IMPG2: variants seen among roughly 807,000 people sequenced by gnomAD.
The protein encoded by IMPG2 is IPM 200.
Under a neutral mutation model 129.2 loss-of-function variants are expected in IMPG2, and 91 were observed. The observed-to-expected ratio is 0.70, with a 90% CI of 0.59 to 0.84. The LOEUF (loss-of-function observed/expected upper bound fraction) is 0.84, where lower values mean the gene tolerates loss of function less well. IMPG2 is among the 40% of genes least tolerant of loss of function. The probability of loss-of-function intolerance (pLI) is 0.00; values close to 1 mark genes in which losing one functional copy is unlikely to be tolerated. For synonymous variants in IMPG2, 510 were observed against 517.7 expected (o/e 0.99, Z 0.20); for missense variants, 1,430 against 1,461.7 (o/e 0.98, Z 0.35).
chr3:101,274,840 T>A (rs1273369807), intron 6 of IMPG2, among the ~76,000 whole-genome samples: 11 of 152,170 alleles, frequency 7.2e-5, no homozygotes, highest in Admixed American at 7.2e-4. Flanking sequence ...GCTAGCACCA[T>A]CTACTTGGAA....
intron 14 of IMPG2, among the ~76,000 whole-genome samples, chr3:101,237,254 C>A (rs1706357179): frequency 6.6e-6 from 1 of 152,176 alleles, no homozygotes; most frequent in African/African-American, 2.4e-5. Flanking sequence ...CTCCCTGGGA[C>A]AGAGTACCTG....
At position 101,242,675 on chromosome 3, in the gene IMPG2, G is replaced by A. The variant is rs779278393; in HGVS notation, c.3022+13C>T. On this transcript the variant is annotated intron_variant, in intron 14 of 18. Transcript: ENST00000193391. ...ATTCTACTAAGAAACCACCATGCTA[G>A]GCAATATCATACCTGATTCCACATC... The A allele has an allele frequency of 8.3e-6, 13 of 1,566,706 alleles. 1 individual carries two copies. The South Asian group carries it at 1.4e-4, about 17-fold the overall frequency.
At chr3:101,304,855 T>TA (rs5851269) in intron 2 of IMPG2, among the ~76,000 whole-genome samples, 105,978 of 147,094 alleles carry the variant, frequency 0.72, 38,423 homozygotes, top group East Asian at 0.83. Context: ...ATATTTCTGA[T>TA]AAAAAAAAAA....
At chr3:101,279,184 T>C (rs1706868320) in intron 4 of IMPG2, among the ~76,000 whole-genome samples, 1 of 152,212 alleles carries the variant, frequency 6.6e-6, no homozygotes, top group Admixed American at 6.5e-5. Context: ...TACAACTAAC[T>C]TTACTGAGCC....
At chr3:101,237,364 C>G (rs2107212593) in intron 14 of IMPG2, among the ~76,000 whole-genome samples, 1 of 152,338 alleles carries the variant, frequency 6.6e-6, no homozygotes, top group Admixed American at 6.5e-5. Context: ...CACTCAAGCT[C>G]TGCTAAGGGA....
chr3:101,243,914 T>C lies in IMPG2; in HGVS notation c.2417A>G (p.Asp806Gly). The change falls in exon 13 of 19, where the codon GAC becomes GGC. Residue 806 changes from aspartate (D) to glycine (G), a missense_variant. Physicochemically the swap from Asp to Gly is moderately conservative, Grantham distance 94 (BLOSUM62 -1). Transcript: ENST00000193391. ...DILASTPQSA[D>G]RLWLSVTQST... ...CTGTGTCACAGATAACCAGAGCCTG[T>C]CAGCACTCTGTGGTGTACTTGCCAA... 1 of 1,614,210 alleles carries C rather than the reference T, an allele frequency of 6.2e-7. No individual in the cohort carries two copies. The highest frequency in any genetic ancestry group is 1.1e-5 in the South Asian group (1 of 91,088).
In IMPG2 at chr3:101,272,658, T is replaced by C. The variant is rs1482712225; in HGVS notation, c.828+923A>G. Reference sequence around the variant, plus strand: ...GCTGACATTTCTTCCACATACCATATAGCCTTGCAACTTGGCCACACCACT... The same window carrying C: ...GCTGACATTTCTTCCACATACCATACAGCCTTGCAACTTGGCCACACCACT... On this transcript the variant is annotated intron_variant, in intron 7 of 18. Transcript: ENST00000193391. 5.3e-5 allele frequency among the ~76,000 whole-genome samples: 8 copies of C among 152,216 alleles called. No homozygotes were observed. In the East Asian group the frequency reaches 1.2e-3, roughly 22 times the overall value.
chr3:101,257,384 TA>T, intron 10 of IMPG2, 144 bp downstream of exon 10: 1 of 939,248 alleles, frequency 1.1e-6, no homozygotes, highest in Non-Finnish European at 1.6e-6. Context: ...GCTGCATGGC[TA>T]AAACTCCATT....
intron 2 of IMPG2, among the ~76,000 whole-genome samples, chr3:101,313,904 G>T (rs1459548986): frequency 6.6e-6 from 1 of 151,942 alleles, no homozygotes; most frequent in African/African-American, 2.4e-5. Flanking sequence ...AGGATAAAAG[G>T]CCAATATACA....
intron 7 of IMPG2, among the ~76,000 whole-genome samples, chr3:101,271,596 G>C (rs1421936468): frequency 2.0e-5 from 3 of 152,130 alleles, no homozygotes; most frequent in Non-Finnish European, 2.9e-5. Context: ...TCACACATTT[G>C]GTAAGTGACT....
intron 11 of IMPG2, among the ~76,000 whole-genome samples, chr3:101,248,092 T>C (rs568620818): frequency 6.6e-6 from 1 of 152,240 alleles, no homozygotes; most frequent in Admixed American, 6.5e-5. Flanking sequence ...CAGAACATAC[T>C]GGCCCATGAA....
At chr3:101,278,514 T>A (rs964454974) in intron 4 of IMPG2, among the ~76,000 whole-genome samples, 8 of 152,154 alleles carry the variant, frequency 5.3e-5, no homozygotes, top group Non-Finnish European at 1.2e-4. Flanking sequence ...TGATGTATAA[T>A]TTAAAACGTT....
chr3:101,272,493 G>A (rs550950776), intron 7 of IMPG2, among the ~76,000 whole-genome samples: 224 of 152,082 alleles, frequency 1.5e-3, no homozygotes, highest in Non-Finnish European at 2.7e-3. Context: ...AGTGTTTATT[G>A]GACTTCTCTA....
At chr3:101,283,420 A>G (rs1706914731) in intron 4 of IMPG2, among the ~76,000 whole-genome samples, 1 of 152,096 alleles carries the variant, frequency 6.6e-6, no homozygotes, top group Non-Finnish European at 1.5e-5. Flanking sequence ...GTTTTTATTG[A>G]GTGATTTTCA....
At chr3:101,251,081 T>A (rs543807879) in intron 11 of IMPG2, among the ~76,000 whole-genome samples, 1 of 152,058 alleles carries the variant, frequency 6.6e-6, no homozygotes, top group Non-Finnish European at 1.5e-5. Flanking sequence ...AAATGTACCT[T>A]AAAAAAAATT....
At chr3:101,297,053 G>C (rs7611378) in intron 3 of IMPG2, among the ~76,000 whole-genome samples, 19,494 of 152,060 alleles carry the variant, frequency 0.13, 1,294 homozygotes, top group Middle Eastern at 0.17. Context: ...CAGGCGCCAG[G>C]CGCCAGCCAC....
Position 101,223,684 on chromosome 3 carries a change from C to CA in IMPG2, c.*3284dup, listed in dbSNP as rs1208008517. On this transcript the variant is annotated 3_prime_UTR_variant, in exon 19 of 19. Transcript: ENST00000193391. Reference sequence around the variant, plus strand: ...CTTTTTGTTAGAGGTAATATTAAGTCAGAGTTGTTCAAACACATTACAATT... The same window carrying CA: ...CTTTTTGTTAGAGGTAATATTAAGTCAAGAGTTGTTCAAACACATTACAATT... 2 of 152,070 alleles carry CA rather than the reference C, an allele frequency of 1.3e-5. No homozygotes were observed. Among genetic ancestry groups the CA allele is most frequent in the African/African-American group, 4.8e-5 (2 of 41,386 alleles). 9.4% of individuals were successfully genotyped at this position (152,070 alleles called of 1,614,324 possible).
chr3:101,232,230 T>TA (rs1448069293), intron 15 of IMPG2, among the ~76,000 whole-genome samples: 15 of 151,336 alleles, frequency 9.9e-5, no homozygotes, highest in South Asian at 2.1e-4. Flanking sequence ...TTTATTTTTT[T>TA]TTTATTTATT....
chr3:101,246,950 G>T (rs188398218), intron 11 of IMPG2, among the ~76,000 whole-genome samples: 1 of 152,116 alleles, frequency 6.6e-6, no homozygotes, highest in African/African-American at 2.4e-5. Flanking sequence ...CAAAAAATTA[G>T]CCAGGCATGG....
Sources: gnomAD v4.1 joint callset for allele counts (sites outside exome capture counted in the v4.1 genomes callset) on GRCh38, gnomAD v4.1.1 for gene constraint, MANE v1.5 for transcripts, NCBI Gene and HGNC (gene_info 2026-07-23, HGNC 2026-07-21) for gene names.